The following CSMD3 variants were observed in gnomAD, a reference collection of about 807,000 sequenced individuals.
The protein encoded by CSMD3 is CUB and Sushi multiple domains 3, also known as CUB and sushi domain-containing protein 3.
In CSMD3, 177 loss-of-function variants were observed where a neutral mutation model predicts 435.2. That is an observed-to-expected ratio of 0.41 (90% CI 0.36 to 0.46). The LOEUF is 0.46. Ranked by LOEUF, CSMD3 falls within the 20% of genes least tolerant of loss-of-function variation. The probability of loss-of-function intolerance (pLI) is 0.34; values close to 1 mark genes in which losing one functional copy is unlikely to be tolerated. For synonymous variants in CSMD3, 1,656 were observed against 1,520.5 expected, an observed-to-expected ratio of 1.09 and a Z score of -2.07; for missense variants, 4,265 against 4,504.6, an observed-to-expected ratio of 0.95 and a Z score of 1.52.
chr8:113,058,991 A>G (rs1027307833), intron 5 of CSMD3, among the ~76,000 whole-genome samples: 5 of 152,120 alleles, frequency 3.3e-5, no homozygotes, highest in African/African-American at 1.2e-4. Context: ...GGCAAAAGGT[A>G]AGTGGTACTA....
In CSMD3 at chr8:112,265,577, T is replaced by C. The variant is rs1816864798; in HGVS notation, c.9522A>G (p.Gly3174=). The C allele has an allele frequency of 1.2e-6, 2 of 1,612,488 alleles. No homozygotes were observed. Residue 3174 remains glycine (G), a synonymous_variant, in exon 60 of 71, where the codon GGA becomes GGG. Coordinates refer to ENST00000297405, the MANE Select transcript of CSMD3 (RefSeq NM_198123.2). ...GTCCATTGGCTGGTATACCTGGGTC[T>C]CCACAACTGATTACTGTCAGTATTG... ...TLPNCTIISC[G]DPGIPANGLR...
intron 1 of CSMD3, among the ~76,000 whole-genome samples, chr8:113,398,253 C>A (rs536726860): frequency 6.6e-6 from 1 of 152,110 alleles, no homozygotes; most frequent in Admixed American, 6.6e-5. Flanking sequence ...TATTAATTTT[C>A]TTTTCCCAAG....
chr8:112,304,229 T>C (rs984569101), intron 52 of CSMD3, among the ~76,000 whole-genome samples: 2 of 152,166 alleles, frequency 1.3e-5, no homozygotes, highest in African/African-American at 4.8e-5. Context: ...TAAGATTTTC[T>C]AGTTTTAGAA....
chr8:113,265,948 T>C (rs1245200440), intron 3 of CSMD3, among the ~76,000 whole-genome samples: 2 of 151,570 alleles, frequency 1.3e-5, no homozygotes, highest in African/African-American at 2.4e-5. Context: ...TCATTTATTC[T>C]TAGAAGTATT....
intron 4 of CSMD3, among the ~76,000 whole-genome samples, chr8:113,126,224 C>T (rs939293914): frequency 2.0e-5 from 3 of 151,794 alleles, no homozygotes. Flanking sequence ...AAGCTAGGCT[C>T]CAAACCCAGG....
chr8:113,351,118 A>G (rs1382469), intron 1 of CSMD3, among the ~76,000 whole-genome samples: 45,929 of 151,982 alleles, frequency 0.3, 8,038 homozygotes, highest in East Asian at 0.69. Flanking sequence ...ACCAGGCAAT[A>G]GCTTTTAGTT....
At chr8:112,993,709 G>A (rs1394891939) in intron 6 of CSMD3, among the ~76,000 whole-genome samples, 5 of 151,850 alleles carry the variant, frequency 3.3e-5, no homozygotes, top group Middle Eastern at 3.4e-3. Flanking sequence ...GAGCATAATA[G>A]AGAGTGACTG....
chr8:112,377,853 T>C (rs973501129), intron 38 of CSMD3, among the ~76,000 whole-genome samples: 4 of 152,000 alleles, frequency 2.6e-5, no homozygotes, highest in African/African-American at 9.7e-5. Context: ...TACCTCAACA[T>C]AATAAAGACC....
intron 5 of CSMD3, among the ~76,000 whole-genome samples, chr8:113,035,494 T>C (rs1055987737): frequency 6.6e-6 from 1 of 151,892 alleles, no homozygotes; most frequent in African/African-American, 2.4e-5. Flanking sequence ...CTGGAGGTAA[T>C]GAGAAGGAAG....
intron 58 of CSMD3, among the ~76,000 whole-genome samples, chr8:112,282,326 C>G (rs915564546): frequency 4.6e-5 from 7 of 151,822 alleles, no homozygotes; most frequent in Admixed American, 4.6e-4. Flanking sequence ...AAATCAAACT[C>G]TAGATAATAT....
At chr8:113,402,512 T>A (rs926172629) in intron 1 of CSMD3, among the ~76,000 whole-genome samples, 8 of 151,156 alleles carry the variant, frequency 5.3e-5, no homozygotes, top group Non-Finnish European at 1.2e-4. Context: ...GTATGGCAAG[T>A]TAGGTGTTTA....
rs1243255431 is a variant in CSMD3, at chr8:112,602,543, G to A, written c.3716-15308C>T. Among the ~76,000 whole-genome samples the A allele has an allele frequency of 5.5e-5, 8 of 145,822 alleles. No homozygotes were observed. In the Admixed American group the frequency reaches 5.5e-4, roughly 10 times the overall value. On this transcript the variant is annotated intron_variant, in intron 22 of 70. Coordinates refer to ENST00000297405, the MANE Select transcript of CSMD3 (RefSeq NM_198123.2). Reference sequence around the variant, plus strand: ...ATAGTGCCATTGCACTCCAGCCTGGGCAACAAGAGCAAAACTCTGTCTCAA... The same window carrying A: ...ATAGTGCCATTGCACTCCAGCCTGGACAACAAGAGCAAAACTCTGTCTCAA...
At chr8:113,427,349 A>G (rs892802819) in intron 1 of CSMD3, among the ~76,000 whole-genome samples, 4 of 151,296 alleles carry the variant, frequency 2.6e-5, no homozygotes, top group Admixed American at 6.6e-5. Context: ...CCATTTGCCT[A>G]TATTAATATA....
At chr8:112,955,240 T>C (rs1263051075) in intron 7 of CSMD3, among the ~76,000 whole-genome samples, 1 of 151,814 alleles carries the variant, frequency 6.6e-6, no homozygotes, top group South Asian at 2.1e-4. Flanking sequence ...ATTAGAAAAG[T>C]TTAAAATTTA....
intron 3 of CSMD3, among the ~76,000 whole-genome samples, chr8:113,234,106 C>T (rs186734571): frequency 4.6e-5 from 7 of 152,128 alleles, no homozygotes; most frequent in East Asian, 1.9e-4. Flanking sequence ...AAGATAGTTC[C>T]GAATAAAGGC....
intron 31 of CSMD3, among the ~76,000 whole-genome samples, chr8:112,491,658 GA>G (rs1210715553): frequency 1.3e-5 from 2 of 151,440 alleles, no homozygotes; most frequent in Admixed American, 1.3e-4. Context: ...CAAAAACAAA[GA>G]AAAAAAGTAC....
chr8:112,938,471 C>A (rs1270230603), intron 9 of CSMD3, among the ~76,000 whole-genome samples: 1 of 152,030 alleles, frequency 6.6e-6, no homozygotes, highest in Non-Finnish European at 1.5e-5. Context: ...GAAACCAAGG[C>A]AGATGAAGGA....
chr8:113,194,479 T>C (rs190442100), intron 3 of CSMD3, among the ~76,000 whole-genome samples: 8 of 151,476 alleles, frequency 5.3e-5, no homozygotes, highest in African/African-American at 1.9e-4. Flanking sequence ...GGTAGATATA[T>C]ATTGTACATT....
At position 113,137,653 on chromosome 8, in the gene CSMD3, C is replaced by G. The variant is rs981619310; in HGVS notation, c.709+36069G>C. On this transcript the variant is annotated intron_variant, in intron 4 of 70. Coordinates refer to ENST00000297405, the MANE Select transcript of CSMD3 (RefSeq NM_198123.2). ...TATACAGGAGAAACATGTGTCTTCACATGACAGAAGGCAGAAGGGCACACC... is the reference window on the plus strand; with the variant it reads ...TATACAGGAGAAACATGTGTCTTCAGATGACAGAAGGCAGAAGGGCACACC... Among the ~76,000 whole-genome samples the G allele has an allele frequency of 3.3e-5, 5 of 151,676 alleles. No homozygotes were observed. In the South Asian group the frequency reaches 1.0e-3, roughly 31 times the overall value.
Sources: gnomAD v4.1 joint callset for allele counts (sites outside exome capture counted in the v4.1 genomes callset) on GRCh38, gnomAD v4.1.1 for gene constraint, MANE v1.5 for transcripts, NCBI Gene and HGNC (gene_info 2026-07-23, HGNC 2026-07-21) for gene names.